NADK2: variants seen among roughly 807,000 people sequenced by gnomAD.
The protein encoded by NADK2 is NAD kinase 2, mitochondrial.
NADK2 carries 35 observed loss-of-function variants against 62.1 expected under a neutral mutation model. That is an observed-to-expected ratio of 0.56 (90% CI 0.43 to 0.75). The LOEUF is 0.75. NADK2 is among the 30% of genes least tolerant of loss of function. The pLI, the probability that NADK2 is intolerant of heterozygous loss-of-function variation, is 0.00. For missense variants in NADK2, 439 were observed against 561.3 expected (o/e 0.78, Z 2.20); for synonymous variants, 205 against 207.9 (o/e 0.99, Z 0.12).
intron 1 of NADK2, among the ~76,000 whole-genome samples, chr5:36,232,210 T>C (rs1747734103): frequency 6.6e-6 from 1 of 152,250 alleles, no homozygotes; most frequent in African/African-American, 2.4e-5. Context: ...AACACCTTTA[T>C]TAAATTATCA....
rs558544055 is a variant in NADK2, at chr5:36,207,098, T to C, written c.956+72A>G. On this transcript the variant is annotated intron_variant, in intron 8 of 11. Coordinates refer to ENST00000381937, the MANE Select transcript of NADK2 (RefSeq NM_001085411.3). ...GACACCTCTTGCATATTACAGGCCT[T>C]AGATGGGCCAAAATATTACATTACT... The C allele has an allele frequency of 1.4e-4, 179 of 1,274,916 alleles. 1 individual carries two copies. The highest frequency in any genetic ancestry group is 6.5e-4 in the Admixed American group (38 of 58,064). 79.0% of individuals were successfully genotyped at this position (1,274,916 alleles called of 1,614,324 possible).
At chr5:36,200,308 T>C (rs1212117728) in intron 9 of NADK2, 28 bp from the exon 10 acceptor site, 17 of 1,518,148 alleles carry the variant, frequency 1.1e-5, no homozygotes, top group Non-Finnish European at 1.3e-5. Flanking sequence ...GGGGAAAATG[T>C]ATGTTATAAA....
Position 36,195,052 on chromosome 5 carries a change from A to G in NADK2, c.*92T>C. The G allele has an allele frequency of 7.0e-7, 1 of 1,432,850 alleles. No individual in the cohort carries two copies. Among genetic ancestry groups the G allele is most frequent in the Non-Finnish European group, 9.4e-7 (1 of 1,064,746 alleles). 88.8% of individuals were successfully genotyped at this position (1,432,850 alleles called of 1,614,324 possible). ...GAGCCCACGGGCAAGCAGTCTCAAC[A>G]ATAACCAAAAAATGTCACTTTACGA... is the stretch of plus-strand genomic sequence containing the variant. On this transcript the variant is annotated 3_prime_UTR_variant, in exon 12 of 12. Coordinates refer to ENST00000381937, the MANE Select transcript of NADK2 (RefSeq NM_001085411.3).
intron 1 of NADK2, among the ~76,000 whole-genome samples, chr5:36,237,288 T>C (rs1250995297): frequency 1.3e-5 from 2 of 152,092 alleles, no homozygotes; most frequent in Non-Finnish European, 2.9e-5. Context: ...ATACTATTTT[T>C]AAAAAGAATG....
intron 6 of NADK2, among the ~76,000 whole-genome samples, chr5:36,215,706 T>C (rs1486718093): frequency 6.6e-6 from 1 of 152,216 alleles, no homozygotes; most frequent in Non-Finnish European, 1.5e-5. Context: ...TATTTGTCTT[T>C]CTATGCTTGA....
At chr5:36,203,100 A>G (rs997162874) in intron 8 of NADK2, among the ~76,000 whole-genome samples, 9 of 152,108 alleles carry the variant, frequency 5.9e-5, no homozygotes, top group Non-Finnish European at 8.8e-5. Context: ...TGGTTTACAG[A>G]TAGGTTTAAA....
rs374435785 is a variant in NADK2, at chr5:36,240,983, T to C, written c.300+516A>G. Among the ~76,000 whole-genome samples, 24 of 152,320 alleles carry C rather than the reference T, an allele frequency of 1.6e-4. No homozygotes were observed. The South Asian group carries it at 5.0e-3, about 32-fold the overall frequency. On this transcript the variant is annotated intron_variant, in intron 1 of 11. Transcript: ENST00000381937. ...CGGAGTGCCCTAGGCCTCGCAGTCC[T>C]GCAGAGTAAAAGGGGGTGTGTCCGC...
chr5:36,235,584 T>C (rs1369531785), intron 1 of NADK2, among the ~76,000 whole-genome samples: 1 of 152,178 alleles, frequency 6.6e-6, no homozygotes, highest in Non-Finnish European at 1.5e-5. Flanking sequence ...CTTCTGCTGT[T>C]AAAGCAGGAT....
At chr5:36,221,926 G>A (rs1579624022) in intron 4 of NADK2, 1 of 152,004 alleles carries the variant, frequency 6.6e-6, no homozygotes, top group African/African-American at 2.4e-5. Flanking sequence ...TTACATTCAG[G>A]GAATATTTAC....
At chr5:36,231,499 G>C (rs1053095060) in intron 1 of NADK2, among the ~76,000 whole-genome samples, 3 of 151,910 alleles carry the variant, frequency 2.0e-5, no homozygotes, top group African/African-American at 7.3e-5. Context: ...TCGCTGGTTG[G>C]GCTATTAAGC....
chr5:36,201,016 G>A, intron 9 of NADK2, 90 bp downstream of exon 9: 1 of 1,019,864 alleles, frequency 9.8e-7, no homozygotes, highest in South Asian at 1.3e-5. Flanking sequence ...GGGTTTGGTA[G>A]TATCCAAGGT....
intron 11 of NADK2, among the ~76,000 whole-genome samples, chr5:36,196,110 T>C (rs539726223): frequency 6.6e-6 from 1 of 152,204 alleles, no homozygotes; most frequent in African/African-American, 2.4e-5. Context: ...TGAATATTCT[T>C]GAATGTCTTT....
At position 36,235,727 on chromosome 5, in the gene NADK2, A is replaced by C. The variant is rs116709041; in HGVS notation, c.300+5772T>G. 4.7e-3 allele frequency among the ~76,000 whole-genome samples: 719 copies of C among 152,190 alleles called. 5 individuals are homozygous for C. Among genetic ancestry groups the C allele is most frequent in the African/African-American group, 0.017 (698 of 41,538 alleles). ...CTCAATTGTGATGACTAAGTTACAT[A>C]ACTCAACAACTATTCTGTTCTTTAT... On this transcript the variant is annotated intron_variant, in intron 1 of 11. Transcript: ENST00000381937.
Position 36,241,689 on chromosome 5 carries a change from A to G in NADK2, c.110T>C (p.Leu37Pro), listed in dbSNP as rs1748134531. Residue 37 changes from leucine (L) to proline (P), a missense_variant, in exon 1 of 12, where the codon CTG becomes CCG. Physicochemically the swap from Leu to Pro is moderately conservative, Grantham distance 98. Transcript: ENST00000381937. This position sits in a 1 kb window ranked among gnomAD's most constrained non-coding sequence, Gnocchi z 4.9. ...GAGGPAARPR[L>P]GGDGGGRRHL... ...CCGCCGGCCGCCACCGTCACCGCCC[A>G]GCCGGGGCCGCGCGGCGGGGCCTCC... The G allele has an allele frequency of 4.4e-6, 5 of 1,147,960 alleles. No homozygotes were observed. The highest frequency in any genetic ancestry group is 8.4e-5 in the South Asian group (2 of 23,748). The allele number at this position is 1,147,960 out of a possible 1,614,324, so 71.1% of individuals were successfully genotyped here. A position where few individuals can be genotyped will look rare whatever the true frequency, so the allele number is the denominator to read the frequency against.
Position 36,225,625 on chromosome 5 carries a change from T to C in NADK2, c.479-2A>G. On this transcript the variant is annotated splice_acceptor_variant, in intron 3 of 11. Transcript: ENST00000381937. LOFTEE classifies it high-confidence loss of function. ...CTGCCAGCAGCATTGTGCCATCACC[T>C]AAGGAACATAAGACAAAATACAAGA... 1 of 1,611,026 alleles carries C rather than the reference T, an allele frequency of 6.2e-7. No individual in the cohort carries two copies. Among genetic ancestry groups the C allele is most frequent in the Non-Finnish European group, 8.5e-7 (1 of 1,178,944 alleles).
At chr5:36,220,514 A>G (rs1747224911) in intron 4 of NADK2, among the ~76,000 whole-genome samples, 1 of 152,232 alleles carries the variant, frequency 6.6e-6, no homozygotes, top group Admixed American at 6.5e-5. Flanking sequence ...GTAAGCGTGA[A>G]GGGCACAGAA....
intron 6 of NADK2, among the ~76,000 whole-genome samples, chr5:36,215,016 A>G (rs1298308573): frequency 1.3e-5 from 2 of 152,180 alleles, no homozygotes; most frequent in Non-Finnish European, 1.5e-5. Flanking sequence ...GGATGTGCAT[A>G]GGTTATATGC....
At position 36,241,463 on chromosome 5, in the gene NADK2, A is replaced by G; in HGVS notation, c.300+36T>C. 1 of 1,499,666 alleles carries G rather than the reference A, an allele frequency of 6.7e-7. No individual in the cohort carries two copies. Among genetic ancestry groups the G allele is most frequent in the Non-Finnish European group, 8.8e-7 (1 of 1,130,066 alleles). The allele number at this position is 1,499,666 out of a possible 1,614,324, so 92.9% of individuals were successfully genotyped here. A position where few individuals can be genotyped will look rare whatever the true frequency, so the allele number is the denominator to read the frequency against. ...GCAGCCGCCACCAGAGCCCCGGCCG[A>G]GCCCGGGAGCGAAGCGGGGCCGAGC... On this transcript the variant is annotated intron_variant, in intron 1 of 11. Coordinates refer to ENST00000381937, the MANE Select transcript of NADK2 (RefSeq NM_001085411.3). The surrounding 1 kb of genome is among the most constrained non-coding windows in gnomAD (Gnocchi z 4.9).
chr5:36,203,726 C>G (rs1454474233), intron 8 of NADK2, among the ~76,000 whole-genome samples: 1 of 152,106 alleles, frequency 6.6e-6, no homozygotes, highest in Non-Finnish European at 1.5e-5. Context: ...ATTCCTTATG[C>G]TCTGAAAGGC....
Sources: gnomAD v4.1 joint callset for allele counts (sites outside exome capture counted in the v4.1 genomes callset) on GRCh38, gnomAD v4.1.1 for gene constraint, Gnocchi (gnomAD v3.1) non-coding constraint, MANE v1.5 for transcripts, NCBI Gene and HGNC (gene_info 2026-07-23, HGNC 2026-07-21) for gene names.